Variants in BATF2 observed in about 807,000 individuals in gnomAD.
BATF2 encodes basic leucine zipper transcriptional factor ATF-like 2.
BATF2 carries 4 observed loss-of-function variants against 7.3 expected under a neutral mutation model. That is an observed-to-expected ratio of 0.55 (90% CI 0.27 to 1.26). The LOEUF (loss-of-function observed/expected upper bound fraction) is 1.26, where lower values mean the gene tolerates loss of function less well. Ranked by LOEUF, BATF2 falls within the 50% of genes most tolerant of loss-of-function variation. The pLI is 0.11. For synonymous variants in BATF2, 152 were observed against 153.9 expected (o/e 0.99, Z 0.09); for missense variants, 295 against 340.5 (o/e 0.87, Z 1.05).
intron 2 of BATF2, chr11:64,990,423 T>C: frequency 7.4e-7 from 1 of 1,352,276 alleles, no homozygotes; most frequent in Non-Finnish European, 9.6e-7. Flanking sequence ...TGTCCTAGAT[T>C]GCTTATTGCC....
intron 2 of BATF2, among the ~76,000 whole-genome samples, chr11:64,992,199 T>C (rs1217226429): frequency 6.6e-6 from 1 of 152,138 alleles, no homozygotes; most frequent in Non-Finnish European, 1.5e-5. Context: ...TCCCAGCTAC[T>C]GGGGCTGCCT....
chr11:64,991,085 C>T (rs1022891549), intron 2 of BATF2, among the ~76,000 whole-genome samples: 30 of 145,980 alleles, frequency 2.1e-4, no homozygotes, highest in Admixed American at 9.6e-4. Flanking sequence ...CCACCGCGCC[C>T]GGCCCTGGAC....
intron 2 of BATF2, chr11:64,990,603 A>T: frequency 9.6e-7 from 1 of 1,038,090 alleles, no homozygotes; most frequent in South Asian, 3.6e-5. Flanking sequence ...AGACACAATC[A>T]ATGTGCAGTT....
chr11:64,992,286 G>A (rs536608607), intron 2 of BATF2, among the ~76,000 whole-genome samples: 114 of 151,898 alleles, frequency 7.5e-4, no homozygotes, highest in South Asian at 1.5e-3. Context: ...GGCTGGTCTC[G>A]AACTCCTGGC....
At position 64,989,746 on chromosome 11, in the gene BATF2, G is replaced by T; in HGVS notation, c.208C>A (p.Leu70Met). The T allele has an allele frequency of 6.2e-7, 1 of 1,614,054 alleles. No individual in the cohort carries two copies. The highest frequency in any genetic ancestry group is 1.1e-5 in the South Asian group (1 of 91,088). The change falls in exon 3 of 3, where the codon CTG (leucine) becomes ATG (methionine). Residue 70 changes from leucine to methionine, a missense_variant. Transcript: ENST00000301887. The surrounding 1 kb of genome is among the most constrained non-coding windows in gnomAD (Gnocchi z 4.3). ...TGCAGGGTCCGGCTCCACCACGCCA[G>T]CTCGGCCTGCAGGGACTGGATCTCC... is the stretch of plus-strand genomic sequence containing the variant. ...RKEIQSLQAE[L>M]AWWSRTLHVH...
intron 1 of BATF2, 85 bp from the exon 2 acceptor site, chr11:64,994,634 T>G: frequency 7.5e-7 from 1 of 1,328,688 alleles, no homozygotes; most frequent in Non-Finnish European, 1.0e-6. Flanking sequence ...AAGCCAAGTC[T>G]TTCCCCTTGA....
At chr11:64,992,456 C>A (rs1946084292) in intron 2 of BATF2, among the ~76,000 whole-genome samples, 1 of 152,080 alleles carries the variant, frequency 6.6e-6, no homozygotes, top group Non-Finnish European at 1.5e-5. Context: ...AAGCCATAAC[C>A]CCCGATGTGA....
chr11:64,990,227 G>A, intron 2 of BATF2: 1 of 1,535,292 alleles, frequency 6.5e-7, no homozygotes, highest in Non-Finnish European at 8.7e-7. Flanking sequence ...GGCCTGTGTA[G>A]TGGCTGCAGC....
Position 64,990,153 on chromosome 11 carries a change from T to C in BATF2, c.142-341A>G, listed in dbSNP as rs1215258487. The C allele has an allele frequency of 5.9e-6, 9 of 1,535,612 alleles. No homozygotes were observed. In the Admixed American group the frequency reaches 7.8e-5, roughly 13 times the overall value. On this transcript the variant is annotated intron_variant, in intron 2 of 2. Coordinates refer to ENST00000301887, the MANE Select transcript of BATF2 (RefSeq NM_138456.4). ...GCCCACAGGAGCCATTCAGCAACCA[T>C]GTCATTAATTGCAGGTTAAAGCCCT... is the stretch of plus-strand genomic sequence containing the variant.
Position 64,989,279 on chromosome 11 carries a change from G to A in BATF2, c.675C>T (p.Asn225=). The change falls in exon 3 of 3, where the codon AAC becomes AAT. Residue 225 remains asparagine, a synonymous_variant. Coordinates refer to ENST00000301887, the MANE Select transcript of BATF2 (RefSeq NM_138456.4). The surrounding 1 kb of genome is among the most constrained non-coding windows in gnomAD (Gnocchi z 4.3). ...GTGCAAGCCCCAGGGCAGAGGAAGG[G>A]TTGTCGGGAGAGGACCCCAGCTTCC... ...TRGKLGSSPD[N]PSSALGLARL... The A allele has an allele frequency of 1.2e-6, 2 of 1,600,318 alleles. No homozygotes were observed. The highest frequency in any genetic ancestry group is 1.7e-6 in the Non-Finnish European group (2 of 1,172,374).
Position 64,989,737 on chromosome 11 carries a change from A to T in BATF2, c.217T>A (p.Trp73Arg). 6.2e-7 allele frequency: 1 copy of T among 1,613,990 alleles called. No homozygotes were observed. The highest frequency in any genetic ancestry group is 8.5e-7 in the Non-Finnish European group (1 of 1,180,008). ...TCATGCACGTGCAGGGTCCGGCTCC[A>T]CCACGCCAGCTCGGCCTGCAGGGAC... ...IQSLQAELAW[W>R]SRTLHVHERL... is the part of the protein sequence containing the mutation. The change falls in exon 3 of 3, where the codon TGG becomes AGG. Residue 73 changes from tryptophan (W) to arginine (R), a missense_variant. Transcript: ENST00000301887. The surrounding 1 kb of genome is among the most constrained non-coding windows in gnomAD (Gnocchi z 4.3).
Position 64,996,893 on chromosome 11 carries a change from C to A in BATF2, c.22G>T (p.Gly8Trp). MHLCGGNGLLTQTDPKEQ... is the reference protein window; with the variant it reads MHLCGGNWLLTQTDPKEQ... Reference sequence around the variant, plus strand: ...GTACTCACTGTCTGGGTCAGCAGCCCATTGCCCCCACAGAGGTGCATGGCT... The same window carrying A: ...GTACTCACTGTCTGGGTCAGCAGCCAATTGCCCCCACAGAGGTGCATGGCT... The change falls in exon 1 of 3, where the codon GGG (glycine) becomes TGG (tryptophan). Residue 8 changes from glycine to tryptophan, a missense_variant. Physicochemically the swap from Gly to Trp is radical, Grantham distance 184 (BLOSUM62 -2). Coordinates refer to ENST00000301887, the MANE Select transcript of BATF2 (RefSeq NM_138456.4). The A allele has an allele frequency of 6.2e-7, 1 of 1,608,222 alleles. No individual in the cohort carries two copies.
chr11:64,992,803 A>G (rs1946086707), intron 2 of BATF2, among the ~76,000 whole-genome samples: 1 of 151,772 alleles, frequency 6.6e-6, no homozygotes, highest in East Asian at 2.0e-4. Context: ...CTGAGGTTGC[A>G]GTGAGCCAGG....
Position 64,989,044 on chromosome 11 carries a change from A to G in BATF2, c.*85T>C, listed in dbSNP as rs1473132133. ...CAGCTGGTCAGCCACGCAGGGCAGC[A>G]CCCAGTAGTGAGGGAGGAGAGGCCC... On this transcript the variant is annotated 3_prime_UTR_variant, in exon 3 of 3. Transcript: ENST00000301887. This position sits in a 1 kb window ranked among gnomAD's most constrained non-coding sequence, Gnocchi z 4.3. The G allele has an allele frequency of 3.4e-6, 5 of 1,485,286 alleles. No individual in the cohort carries two copies. The highest frequency in any genetic ancestry group is 4.7e-6 in the Non-Finnish European group (5 of 1,064,742). The allele number at this position is 1,485,286 out of a possible 1,614,324, so 92.0% of individuals were successfully genotyped here.
chr11:64,991,952 C>T (rs1351670178), intron 2 of BATF2, among the ~76,000 whole-genome samples: 1 of 152,194 alleles, frequency 6.6e-6, no homozygotes, highest in African/African-American at 2.4e-5. Flanking sequence ...GTCATTTGTC[C>T]GCAATGCGTT....
At chr11:64,996,394 C>T (rs947510329) in intron 1 of BATF2, among the ~76,000 whole-genome samples, 11 of 152,100 alleles carry the variant, frequency 7.2e-5, no homozygotes, top group Admixed American at 5.2e-4. Flanking sequence ...GTAGCTGAGA[C>T]TACAGACGTG....
intron 2 of BATF2, chr11:64,990,121 T>G (rs929547244): frequency 3.3e-6 from 5 of 1,535,698 alleles, no homozygotes; most frequent in South Asian, 1.2e-5. Context: ...AAACCACCTA[T>G]TCTCTTGCCC....
intron 2 of BATF2, chr11:64,990,359 CCTTCT>C (rs1291389683): frequency 3.5e-6 from 5 of 1,448,376 alleles, no homozygotes; most frequent in Admixed American, 2.5e-5. Flanking sequence ...CTTCCGCCGC[CCTTCT>C]CTGTGCAAAT....
intron 1 of BATF2, 30 bp from the exon 2 acceptor site, chr11:64,994,579 G>A: frequency 6.4e-7 from 1 of 1,561,380 alleles, no homozygotes. Flanking sequence ...GGACTCAGGG[G>A]GCCCAGCCAG....
Sources: gnomAD v4.1 joint callset for allele counts (sites outside exome capture counted in the v4.1 genomes callset) on GRCh38, gnomAD v4.1.1 for gene constraint, Gnocchi (gnomAD v3.1) non-coding constraint, MANE v1.5 for transcripts, NCBI Gene and HGNC (gene_info 2026-07-23, HGNC 2026-07-21) for gene names.